The following FAF1 variants were observed in gnomAD, a reference collection of about 807,000 sequenced individuals.
The protein encoded by FAF1 is Fas associated factor 1, also known as FAS-associated factor 1.
Under a neutral mutation model 92.5 loss-of-function variants are expected in FAF1, and 25 were observed. The ratio of observed to expected loss-of-function variants is 0.27; its 90% confidence interval spans 0.20 to 0.38. FAF1 has a LOEUF of 0.38. Among genes scored for constraint, FAF1 ranks in the 10% least tolerant of loss-of-function variants. The pLI is 1.00. For synonymous variants in FAF1, 234 were observed against 273.2 expected (o/e 0.86, Z 1.42); for missense variants, 636 against 793.3 (o/e 0.80, Z 2.38).
At chr1:50,591,811 T>G (rs1406568297) in intron 9 of FAF1, among the ~76,000 whole-genome samples, 1 of 152,090 alleles carries the variant, frequency 6.6e-6, no homozygotes, top group Non-Finnish European at 1.5e-5. Context: ...AACAGCAACC[T>G]ACACTTATCT....
intron 18 of FAF1, chr1:50,452,108 G>C (rs1557950195): frequency 7.4e-7 from 1 of 1,347,490 alleles, no homozygotes; most frequent in Non-Finnish European, 9.8e-7. Context: ...GATGATCCAA[G>C]TCTTCAGAAT....
intron 17 of FAF1, among the ~76,000 whole-genome samples, chr1:50,485,952 G>A (rs187033814): frequency 0.01 from 1,586 of 152,128 alleles, 108 homozygotes; most frequent in Admixed American, 0.098. Flanking sequence ...GGGAAATGGC[G>A]CTCCCATGAT....
intron 6 of FAF1, among the ~76,000 whole-genome samples, chr1:50,722,116 C>G (rs1032597298): frequency 9.2e-5 from 14 of 152,152 alleles, no homozygotes; most frequent in African/African-American, 3.4e-4. Context: ...CAGGAGTCCC[C>G]CACTGGCAAT....
chr1:50,768,467 A>C (rs1660659459), intron 4 of FAF1, among the ~76,000 whole-genome samples: 1 of 152,142 alleles, frequency 6.6e-6, no homozygotes, highest in Admixed American at 6.5e-5. Context: ...CTACACCCAA[A>C]AACAACAAAA....
intron 1 of FAF1, among the ~76,000 whole-genome samples, chr1:50,955,878 C>T (rs1394231493): frequency 6.6e-6 from 1 of 151,986 alleles, no homozygotes; most frequent in Non-Finnish European, 1.5e-5. Flanking sequence ...TGAAATAAGC[C>T]AGTCACAAAA....
chr1:50,671,126 C>A (rs1030430772), intron 7 of FAF1, among the ~76,000 whole-genome samples: 10 of 151,924 alleles, frequency 6.6e-5, no homozygotes, highest in Admixed American at 6.6e-4. Context: ...GTTTGAAGGC[C>A]GGGCACAGTG....
intron 1 of FAF1, among the ~76,000 whole-genome samples, chr1:50,956,875 G>A (rs1645270961): frequency 6.6e-6 from 1 of 152,208 alleles, no homozygotes; most frequent in African/African-American, 2.4e-5. Context: ...TTGAACCCGA[G>A]AGGCGGAGGT....
At chr1:50,929,400 T>C (rs1645031792) in intron 1 of FAF1, among the ~76,000 whole-genome samples, 1 of 152,210 alleles carries the variant, frequency 6.6e-6, no homozygotes, top group South Asian at 2.1e-4. Context: ...AATTAATGCA[T>C]GTTTTATGAA....
At position 50,684,189 on chromosome 1, in the gene FAF1, T is replaced by C. The variant is rs114047537; in HGVS notation, c.657+21597A>G. ...CAGGAGTAGCTTAACAAGGTGATAA[T>C]AGACAGAAATGCCATCCTTACTGTG... is the stretch of plus-strand genomic sequence containing the variant. On this transcript the variant is annotated intron_variant, in intron 7 of 18. Transcript: ENST00000396153. Among the ~76,000 whole-genome samples the C allele has an allele frequency of 6.2e-3, 931 of 150,710 alleles. 7 individuals are homozygous for C. The highest frequency in any genetic ancestry group is 0.01 in the Non-Finnish European group (682 of 67,882).
chr1:50,823,360 C>A (rs1644063674), intron 2 of FAF1, among the ~76,000 whole-genome samples: 1 of 152,096 alleles, frequency 6.6e-6, no homozygotes, highest in Non-Finnish European at 1.5e-5. Flanking sequence ...AACACAGCCC[C>A]AAACCCTGGG....
At chr1:50,453,050 C>T (rs1646312250) in intron 18 of FAF1, among the ~76,000 whole-genome samples, 1 of 152,150 alleles carries the variant, frequency 6.6e-6, no homozygotes, top group South Asian at 2.1e-4. Flanking sequence ...GGATAGTTCC[C>T]TTTTGCTTTG....
At chr1:50,659,967 A>G (rs1321113700) in intron 7 of FAF1, among the ~76,000 whole-genome samples, 4 of 152,184 alleles carry the variant, frequency 2.6e-5, no homozygotes, top group African/African-American at 7.2e-5. Context: ...TATATACTAT[A>G]ATTAATGTGA....
At chr1:50,732,526 A>G (rs1425969819) in intron 6 of FAF1, among the ~76,000 whole-genome samples, 1 of 152,196 alleles carries the variant, frequency 6.6e-6, no homozygotes, top group East Asian at 1.9e-4. Context: ...TTTGCCTTAA[A>G]TTCAATTTTA....
intron 7 of FAF1, among the ~76,000 whole-genome samples, chr1:50,674,141 C>T (rs548806778): frequency 2.0e-5 from 3 of 152,154 alleles, no homozygotes; most frequent in East Asian, 1.9e-4. Flanking sequence ...TTAGTAGAGA[C>T]GGGGTTTCAC....
chr1:50,788,302 A>G (rs1661437675), intron 3 of FAF1, 97 bp from the exon 4 acceptor site: 5 of 1,015,634 alleles, frequency 4.9e-6, no homozygotes, highest in Non-Finnish European at 7.5e-6. Flanking sequence ...TGTTCTTCCT[A>G]TCAAGTAAGT....
chr1:50,493,298 G>T (rs953330190), intron 15 of FAF1, among the ~76,000 whole-genome samples: 17 of 152,270 alleles, frequency 1.1e-4, no homozygotes, highest in African/African-American at 4.1e-4. Context: ...CTTCCAAAGT[G>T]CTAGGATTAC....
intron 17 of FAF1, among the ~76,000 whole-genome samples, chr1:50,476,755 A>T (rs1646643523): frequency 6.6e-6 from 1 of 152,192 alleles, no homozygotes; most frequent in Non-Finnish European, 1.5e-5. Context: ...TTAAAAGCTA[A>T]ATTATCAGTG....
intron 15 of FAF1, among the ~76,000 whole-genome samples, chr1:50,533,946 ACT>A (rs1648323695): frequency 6.6e-6 from 1 of 152,008 alleles, no homozygotes; most frequent in Non-Finnish European, 1.5e-5. Flanking sequence ...CTTAATTTTG[ACT>A]CTCAGTGTTC....
intron 6 of FAF1, among the ~76,000 whole-genome samples, chr1:50,721,316 G>A (rs897688916): frequency 1.3e-5 from 2 of 152,044 alleles, no homozygotes; most frequent in African/African-American, 4.8e-5. Context: ...CCAGGTTCAA[G>A]CAATTCTCCT....
Sources: allele counts gnomAD v4.1 joint callset (sites outside exome capture counted in the v4.1 genomes callset), GRCh38; gene constraint gnomAD v4.1.1; transcripts MANE v1.5; gene names NCBI Gene and HGNC (gene_info 2026-07-23, HGNC 2026-07-21).